Variants in STX2 observed in about 807,000 individuals in gnomAD.
The protein encoded by STX2 is syntaxin 2.
STX2 carries 27 observed loss-of-function variants against 40.6 expected under a neutral mutation model. That is an observed-to-expected ratio of 0.66 (90% CI 0.49 to 0.92). STX2 has a LOEUF of 0.92. STX2 is among the 40% of genes least tolerant of loss of function. The probability of loss-of-function intolerance (pLI) is 0.00; values close to 1 mark genes in which losing one functional copy is unlikely to be tolerated. For synonymous variants in STX2, 123 were observed against 119.1 expected (o/e 1.03, Z -0.22); for missense variants, 328 against 366.1 (o/e 0.90, Z 0.85).
intron 2 of STX2, 65 bp downstream of exon 2, chr12:130,827,128 G>C: frequency 1.5e-6 from 1 of 665,806 alleles, no homozygotes; most frequent in African/African-American, 2.5e-5. Context: ...AAAGGAGGGA[G>C]GGGTGGGGGG....
intron 5 of STX2, among the ~76,000 whole-genome samples, chr12:130,808,244 G>A (rs1049399709): frequency 4.6e-5 from 7 of 152,096 alleles, no homozygotes; most frequent in Non-Finnish European, 7.4e-5. Context: ...AAATGTGAAC[G>A]CAGTGAGCCC....
chr12:130,832,696 C>T (rs537493476), intron 1 of STX2, among the ~76,000 whole-genome samples: 1 of 152,288 alleles, frequency 6.6e-6, no homozygotes, highest in East Asian at 1.9e-4. Context: ...TACACCAGGC[C>T]GTGGAGACGA....
chr12:130,812,036 T>C (rs1243416677), intron 4 of STX2: 1 of 212,768 alleles, frequency 4.7e-6, no homozygotes, highest in Non-Finnish European at 9.5e-6. Context: ...ATCTGCAGCA[T>C]GGCAGATTCT....
chr12:130,807,120 CT>C, intron 5 of STX2, 30 bp from the exon 6 acceptor site: 1 of 1,603,886 alleles, frequency 6.2e-7, no homozygotes, highest in Non-Finnish European at 8.5e-7. Flanking sequence ...ACATTCGTAT[CT>C]GAGGGCCATG....
chr12:130,804,422 C>G (rs543251442), intron 6 of STX2, among the ~76,000 whole-genome samples: 1 of 152,176 alleles, frequency 6.6e-6, no homozygotes. Flanking sequence ...GGTCTGAAGA[C>G]GATGCCTCCG....
At chr12:130,827,336 C>CA in intron 1 of STX2, 69 bp from the exon 2 acceptor site, 1 of 1,248,842 alleles carries the variant, frequency 8.0e-7, no homozygotes, top group East Asian at 2.3e-5. Flanking sequence ...AACTGAAATA[C>CA]AAAAACAGTT....
At chr12:130,823,905 A>C (rs1261817221) in intron 2 of STX2, among the ~76,000 whole-genome samples, 2 of 152,214 alleles carry the variant, frequency 1.3e-5, no homozygotes, top group African/African-American at 4.8e-5. Context: ...CATCACAGAT[A>C]TTTCTGGGTT....
At chr12:130,814,153 T>G (rs1426498111) in intron 3 of STX2, among the ~76,000 whole-genome samples, 1 of 152,092 alleles carries the variant, frequency 6.6e-6, no homozygotes, top group Non-Finnish European at 1.5e-5. Flanking sequence ...CTGAGTGATC[T>G]CCAGAGGTGA....
intron 9 of STX2, among the ~76,000 whole-genome samples, chr12:130,797,975 C>A (rs1387372946): frequency 6.6e-6 from 1 of 152,266 alleles, no homozygotes; most frequent in Non-Finnish European, 1.5e-5. Flanking sequence ...GTGCCAGGCA[C>A]CGTGCCTCAC....
chr12:130,814,627 CTTTTTTTTTT>C (rs5801936), intron 3 of STX2, among the ~76,000 whole-genome samples: 3 of 49,224 alleles, frequency 6.1e-5, no homozygotes, highest in African/African-American at 2.5e-4. Context: ...ATTAGAAAGA[CTTTTTTTTTT>C]TTTTTTTTTT....
chr12:130,818,185 A>AAAAAATATAT, intron 3 of STX2, among the ~76,000 whole-genome samples: 13 of 70,534 alleles, frequency 1.8e-4, no homozygotes, highest in African/African-American at 8.3e-4. Flanking sequence ...AAAAAAAAAA[A>AAAAAATATAT]ATATATATAT....
intron 3 of STX2, among the ~76,000 whole-genome samples, chr12:130,819,653 T>C (rs1952037267): frequency 1.3e-5 from 2 of 152,250 alleles, no homozygotes. Flanking sequence ...CGGATACTTA[T>C]TCAAATATAA....
At chr12:130,807,316 A>G (rs1397572186) in intron 5 of STX2, among the ~76,000 whole-genome samples, 1 of 152,256 alleles carries the variant, frequency 6.6e-6, no homozygotes, top group African/African-American at 2.4e-5. Context: ...AACCCTACTT[A>G]AAGAAAACCA....
At chr12:130,803,461 A>G (rs969301229) in intron 6 of STX2, among the ~76,000 whole-genome samples, 23 of 152,090 alleles carry the variant, frequency 1.5e-4, no homozygotes, top group African/African-American at 5.6e-4. Context: ...AATCATCAAA[A>G]CTAGAAATTT....
chr12:130,806,313 A>G (rs1377875516), intron 6 of STX2, among the ~76,000 whole-genome samples: 2 of 152,210 alleles, frequency 1.3e-5, no homozygotes, highest in Non-Finnish European at 2.9e-5. Flanking sequence ...GCCCCAGGTC[A>G]GGGACAAAGG....
At chr12:130,807,755 C>T (rs377328947) in intron 5 of STX2, among the ~76,000 whole-genome samples, 2 of 152,314 alleles carry the variant, frequency 1.3e-5, no homozygotes, top group South Asian at 2.1e-4. Flanking sequence ...TTTTTCTTCA[C>T]AATAAAGAGA....
At position 130,791,770 on chromosome 12, in the gene STX2, CAT is replaced by C. The variant is rs781093188; in HGVS notation, c.*251_*252del. On this transcript the variant is annotated 3_prime_UTR_variant, in exon 11 of 11. Coordinates refer to ENST00000392373, the MANE Select transcript of STX2 (RefSeq NM_194356.4). ...TTCGGTTGTGCTTCTTCCGTGAACT[CAT>C]ACATTACAAGGTCAGCACTCGATGC... The C allele has an allele frequency of 2.3e-4, 182 of 792,960 alleles. 2 individuals carry two copies. The highest frequency in any genetic ancestry group is 3.5e-4 in the Non-Finnish European group (166 of 472,756). The allele number at this position is 792,960 out of a possible 1,614,324, so 49.1% of individuals were successfully genotyped here.
intron 1 of STX2, among the ~76,000 whole-genome samples, chr12:130,835,394 ATTTATTG>A (rs1952724190): frequency 6.6e-6 from 1 of 152,234 alleles, no homozygotes; most frequent in South Asian, 2.1e-4. Flanking sequence ...GCTACTGTGT[ATTTATTG>A]TTTATTATCA....
intron 1 of STX2, among the ~76,000 whole-genome samples, chr12:130,831,069 T>G (rs1447356726): frequency 1.3e-5 from 2 of 152,234 alleles, no homozygotes; most frequent in African/African-American, 2.4e-5. Context: ...CTTCCTGGTT[T>G]AGAGACTATT....
Sources: gnomAD v4.1 joint callset for allele counts (sites outside exome capture counted in the v4.1 genomes callset) on GRCh38, gnomAD v4.1.1 for gene constraint, MANE v1.5 for transcripts, NCBI Gene and HGNC (gene_info 2026-07-23, HGNC 2026-07-21) for gene names.